Variants in ORC3 observed in about 807,000 individuals in gnomAD.
ORC3 encodes homolog of latheo, Drosophila.
Under a neutral mutation model 100.7 loss-of-function variants are expected in ORC3, and 78 were observed. The observed-to-expected ratio is 0.77, with a 90% CI of 0.65 to 0.94. The LOEUF is 0.94. Ranked by LOEUF, ORC3 falls within the 40% of genes least tolerant of loss-of-function variation. ORC3 has a pLI of 0.00. For synonymous variants in ORC3, 295 were observed against 289.3 expected, an observed-to-expected ratio of 1.02 and a Z score of -0.20; for missense variants, 789 against 823.9, an observed-to-expected ratio of 0.96 and a Z score of 0.52.
rs565790509 is a variant in ORC3, at chr6:87,650,987, AC to A, written c.1383-2128del. 231 of 361,600 alleles carry A rather than the reference AC, an allele frequency of 6.4e-4. 1 individual carries two copies. Among genetic ancestry groups the A allele is most frequent in the African/African-American group, 4.5e-3 (211 of 47,048 alleles). The allele number at this position is 361,600 out of a possible 1,614,324, so 22.4% of individuals were successfully genotyped here. ...ACGCCATTGCACCCTAGCCTGAGCA[AC>A]AAGAGCAAAACTGCGTCTCAAAGAA... On this transcript the variant is annotated intron_variant, in intron 13 of 19. Transcript: ENST00000392844.
chr6:87,602,058 C>CCTGT (rs2128247729), intron 3 of ORC3, among the ~76,000 whole-genome samples, 177 bp downstream of exon 3: 1 of 152,018 alleles, frequency 6.6e-6, no homozygotes, highest in Non-Finnish European at 1.5e-5. Context: ...TTGGTGAAAC[C>CCTGT]CTGTCTCTAC....
At chr6:87,625,518 C>T (rs1227226181) in intron 11 of ORC3, among the ~76,000 whole-genome samples, 1 of 152,058 alleles carries the variant, frequency 6.6e-6, no homozygotes, top group African/African-American at 2.4e-5. Flanking sequence ...CTGTTCATAT[C>T]CTTTGCCCAC....
At chr6:87,615,116 G>C (rs9450760) in intron 8 of ORC3, among the ~76,000 whole-genome samples, 49,267 of 152,106 alleles carry the variant, frequency 0.32, 8,079 homozygotes, top group Admixed American at 0.41. Flanking sequence ...CATGGTGGAA[G>C]GCAAGGAGGA....
chr6:87,662,749 C>T (rs905576625), intron 16 of ORC3, among the ~76,000 whole-genome samples: 16 of 151,956 alleles, frequency 1.1e-4, no homozygotes, highest in Admixed American at 9.8e-4. Flanking sequence ...GTTTTAAAAA[C>T]TATTATATGG....
chr6:87,661,698 C>T (rs75814862), intron 16 of ORC3, among the ~76,000 whole-genome samples: 5,327 of 152,218 alleles, frequency 0.035, 313 homozygotes, highest in African/African-American at 0.12. Context: ...GGAAAAGGAG[C>T]TGACACAAGC....
At chr6:87,677,543 C>T in the ORC3 span, among the ~76,000 whole-genome samples, 2 of 152,010 alleles carry the variant, frequency 1.3e-5, no homozygotes, top group African/African-American at 4.8e-5. Context: ...TCAAAAAATC[C>T]ACAACCAAAT....
At chr6:87,623,893 AC>A (rs1779708250) in intron 11 of ORC3, among the ~76,000 whole-genome samples, 3 of 151,694 alleles carry the variant, frequency 2.0e-5, no homozygotes, top group African/African-American at 4.9e-5. Flanking sequence ...TTAAAAAAAA[AC>A]AAAACAAAAC....
chr6:87,650,706 G>A (rs537164923), intron 13 of ORC3, among the ~76,000 whole-genome samples: 1 of 151,460 alleles, frequency 6.6e-6, no homozygotes, highest in South Asian at 2.1e-4. Context: ...CATAATCTTT[G>A]GCTAAGAATA....
intron 5 of ORC3, among the ~76,000 whole-genome samples, chr6:87,606,330 A>G (rs1778338054): frequency 6.6e-6 from 1 of 152,176 alleles, no homozygotes; most frequent in Non-Finnish European, 1.5e-5. Context: ...CTTAGGACAG[A>G]AAGCTGAGAA....
At chr6:87,592,206 A>G (rs1460150782) in intron 1 of ORC3, among the ~76,000 whole-genome samples, 1 of 152,200 alleles carries the variant, frequency 6.6e-6, no homozygotes, top group Admixed American at 6.5e-5. Flanking sequence ...GCTCCTTTGA[A>G]GCTCCTTTTT....
chr6:87,661,127 A>G (rs1361293752), intron 16 of ORC3, among the ~76,000 whole-genome samples: 2 of 152,328 alleles, frequency 1.3e-5, no homozygotes, highest in South Asian at 2.1e-4. Context: ...TAGATATCCA[A>G]TCCTTATTAC....
At chr6:87,592,999 A>C (rs1777151545) in intron 1 of ORC3, among the ~76,000 whole-genome samples, 1 of 152,152 alleles carries the variant, frequency 6.6e-6, no homozygotes, top group South Asian at 2.1e-4. Flanking sequence ...AGGCTGAGGC[A>C]GGAGAATGGC....
intron 14 of ORC3, among the ~76,000 whole-genome samples, chr6:87,656,394 C>G (rs1052979936): frequency 2.6e-5 from 4 of 152,096 alleles, no homozygotes; most frequent in Non-Finnish European, 5.9e-5. Context: ...TCGAGACCAG[C>G]CTGGCCAACG....
chr6:87,618,495 G>C (rs1054575499), intron 9 of ORC3, among the ~76,000 whole-genome samples: 1 of 152,098 alleles, frequency 6.6e-6, no homozygotes, highest in Non-Finnish European at 1.5e-5. Context: ...CCACAAATCT[G>C]AGTAGTCAGT....
chr6:87,597,674 T>TAC (rs1386490271), intron 2 of ORC3, among the ~76,000 whole-genome samples: 2 of 130,730 alleles, frequency 1.5e-5, no homozygotes, highest in African/African-American at 7.5e-5. Context: ...TAATGATATA[T>TAC]ATATATACAC....
chr6:87,610,655 G>A (rs1218380124), intron 7 of ORC3, among the ~76,000 whole-genome samples: 1 of 147,450 alleles, frequency 6.8e-6, no homozygotes, highest in Non-Finnish European at 1.5e-5. Flanking sequence ...CCGGGTTCAC[G>A]CCATTCTCCT....
At chr6:87,634,750 T>G in intron 11 of ORC3, 95 bp from the exon 12 acceptor site, 2 of 653,184 alleles carry the variant, frequency 3.1e-6, no homozygotes, top group South Asian at 3.6e-5. Flanking sequence ...ATCTTGTCAG[T>G]TTTCCAGAAA....
intron 15 of ORC3, among the ~76,000 whole-genome samples, chr6:87,657,611 C>A (rs1190696083): frequency 6.6e-6 from 1 of 152,058 alleles, no homozygotes; most frequent in Non-Finnish European, 1.5e-5. Flanking sequence ...CCTGTTAAGT[C>A]CTTTTCTTAA....
chr6:87,642,075 C>T (rs775290555), intron 13 of ORC3, among the ~76,000 whole-genome samples: 2 of 152,162 alleles, frequency 1.3e-5, no homozygotes, highest in Non-Finnish European at 2.9e-5. Flanking sequence ...GCAGAGAGAT[C>T]ACTTGAGCCC....
Sources: gnomAD v4.1 joint callset for allele counts (sites outside exome capture counted in the v4.1 genomes callset) on GRCh38, gnomAD v4.1.1 for gene constraint, MANE v1.5 for transcripts, NCBI Gene and HGNC (gene_info 2026-07-23, HGNC 2026-07-21) for gene names.